GPC3: variants seen among roughly 807,000 people sequenced by gnomAD.
The protein encoded by GPC3 is glypican-3.
GPC3 carries 3 observed loss-of-function variants against 34.4 expected under a neutral mutation model. That is an observed-to-expected ratio of 0.09 (90% CI 0.04 to 0.23). The LOEUF is 0.23. Among genes scored for constraint, GPC3 ranks in the 10% least tolerant of loss-of-function variants. GPC3 has a pLI of 1.00. For synonymous variants in GPC3, 177 were observed against 174.0 expected (o/e 1.02, Z -0.13); for missense variants, 351 against 445.6 (o/e 0.79, Z 1.91).
intron 6 of GPC3, among the ~76,000 whole-genome samples, chrX:133,646,451 C>G (rs2070546302): frequency 9.0e-6 from 1 of 111,616 alleles, no homozygotes; most frequent in Admixed American, 9.5e-5. Flanking sequence ...GGAGGTATGC[C>G]AAAGATTTTG....
chrX:133,815,903 A>C (rs757020800), intron 2 of GPC3, among the ~76,000 whole-genome samples: 68 of 111,364 alleles, frequency 6.1e-4, no homozygotes, highest in Admixed American at 2.4e-3. Flanking sequence ...GTTGGAGCAT[A>C]TTTTTGGAGA....
chrX:133,836,798 C>A (rs1346751997), intron 2 of GPC3, among the ~76,000 whole-genome samples: 1 of 111,445 alleles, frequency 9.0e-6, no homozygotes, highest in African/African-American at 3.3e-5. Flanking sequence ...GGTGCTTTGT[C>A]CTGTCAGCAG....
At chrX:133,618,939 T>A (rs1335654632) in intron 6 of GPC3, among the ~76,000 whole-genome samples, 1 of 110,968 alleles carries the variant, frequency 9.0e-6, no homozygotes, top group South Asian at 3.8e-4. Context: ...AAACCATATA[T>A]CTGAAGAGTC....
chrX:133,679,147 AT>A (rs1210755860), intron 5 of GPC3, among the ~76,000 whole-genome samples: 3 of 111,319 alleles, frequency 2.7e-5, no homozygotes, highest in East Asian at 2.8e-4. Context: ...TTTGCTTAAA[AT>A]TTTTTTTAAG....
intron 3 of GPC3, among the ~76,000 whole-genome samples, chrX:133,745,011 G>A (rs1220458961): frequency 4.5e-5 from 5 of 110,439 alleles, no homozygotes; most frequent in Non-Finnish European, 7.6e-5. Context: ...GGGGCCTGTC[G>A]GTGGGTGGGG....
intron 2 of GPC3, among the ~76,000 whole-genome samples, chrX:133,819,523 G>C (rs1341824768): frequency 5.4e-5 from 6 of 110,778 alleles, no homozygotes; most frequent in African/African-American, 1.6e-4. Context: ...TTGAATATCT[G>C]ATCAGTGGTA....
chrX:133,896,970 G>C (rs1418227348), intron 2 of GPC3, among the ~76,000 whole-genome samples: 2 of 101,884 alleles, frequency 2.0e-5, no homozygotes, highest in Non-Finnish European at 4.0e-5. Context: ...GCAGTGGCGT[G>C]ATCTCAGCTC....
chrX:133,787,258 T>A (rs1033966089), intron 2 of GPC3, among the ~76,000 whole-genome samples: 2 of 112,151 alleles, frequency 1.8e-5, no homozygotes, highest in Non-Finnish European at 3.8e-5. Flanking sequence ...CTGACACAAT[T>A]GTTTATCATT....
At chrX:133,596,997 C>A (rs1039116447) in intron 6 of GPC3, among the ~76,000 whole-genome samples, 1 of 110,926 alleles carries the variant, frequency 9.0e-6, no homozygotes, top group East Asian at 2.8e-4. Context: ...CCCCAATAAT[C>A]AAATTTACAG....
intron 3 of GPC3, among the ~76,000 whole-genome samples, chrX:133,735,496 T>C (rs1273614132): frequency 8.9e-6 from 1 of 111,940 alleles, no homozygotes; most frequent in Non-Finnish European, 1.9e-5. Context: ...GGGCTGATTC[T>C]ATAAAATTCT....
At chrX:133,699,856 T>C in intron 4 of GPC3, 39 bp downstream of exon 4, 1 of 1,128,355 alleles carries the variant, frequency 8.9e-7, no homozygotes, top group Non-Finnish European at 1.2e-6. Flanking sequence ...ATACAATTGT[T>C]AATTGTATTG....
chrX:133,595,389 T>TA (rs2069901715), intron 7 of GPC3, among the ~76,000 whole-genome samples: 1 of 111,721 alleles, frequency 9.0e-6, no homozygotes, highest in African/African-American at 3.3e-5. Flanking sequence ...TAATTACCTG[T>TA]AAAATCAAAG....
chrX:133,572,650 A>G (rs1382763297), intron 7 of GPC3, among the ~76,000 whole-genome samples: 2 of 112,090 alleles, frequency 1.8e-5, no homozygotes, highest in Non-Finnish European at 1.9e-5. Flanking sequence ...AACTAACTGT[A>G]AAGAAATAAA....
chrX:133,925,096 C>T (rs1281238332), intron 2 of GPC3, among the ~76,000 whole-genome samples: 1 of 108,144 alleles, frequency 9.2e-6, no homozygotes, highest in Non-Finnish European at 1.9e-5. Context: ...AAATAATAAT[C>T]ACACCAGTCT....
chrX:133,931,651 C>T (rs2284127), intron 2 of GPC3, among the ~76,000 whole-genome samples: 4,050 of 111,615 alleles, frequency 0.036, 66 homozygotes, highest in East Asian at 0.098. Flanking sequence ...AGCATAGTGG[C>T]ACATAGTAGA....
intron 2 of GPC3, among the ~76,000 whole-genome samples, chrX:133,831,565 T>C (rs1264090485): frequency 1.8e-5 from 2 of 111,901 alleles, no homozygotes; most frequent in East Asian, 5.6e-4. Context: ...ACCCCGTCTC[T>C]ACTAAAAATA....
Position 133,686,768 on chromosome X carries a change from A to AACAC in GPC3, c.1292+5597_1292+5600dup, listed in dbSNP as rs762283767. Among the ~76,000 whole-genome samples the AACAC allele has an allele frequency of 7.3e-3, 716 of 98,023 alleles. 5 individuals carry two copies. Among genetic ancestry groups the AACAC allele is most frequent in the South Asian group, 0.026 (54 of 2,044 alleles). The allele number at this position is 98,023 out of a possible 115,157, so 85.1% of individuals were successfully genotyped here. On this transcript the variant is annotated intron_variant, in intron 5 of 7. Coordinates refer to ENST00000370818, the MANE Select transcript of GPC3 (RefSeq NM_004484.4). ...AATTTTGTCATGCAAATTTTACCTC[A>AACAC]ACACACACACACACACACACACACA...
chrX:133,910,224 T>C (rs973458954), intron 2 of GPC3, among the ~76,000 whole-genome samples: 1 of 111,140 alleles, frequency 9.0e-6, no homozygotes. Context: ...GGGGCATGTC[T>C]GTCTGTTTTG....
At chrX:133,553,916 T>C (rs1257227135) in intron 7 of GPC3, among the ~76,000 whole-genome samples, 3 of 111,827 alleles carry the variant, frequency 2.7e-5, no homozygotes, top group Non-Finnish European at 5.6e-5. Flanking sequence ...TCCCTCATGC[T>C]AGTTTACAGT....
Sources: gnomAD v4.1 joint callset for allele counts (sites outside exome capture counted in the v4.1 genomes callset) on GRCh38, gnomAD v4.1.1 for gene constraint, MANE v1.5 for transcripts, NCBI Gene and HGNC (gene_info 2026-07-23, HGNC 2026-07-21) for gene names.